RAB3C: variants seen among roughly 807,000 people sequenced by gnomAD.
RAB3C encodes the protein RAB3C, member RAS oncogene family, also known as ras-related protein Rab-3C.
RAB3C carries 17 observed loss-of-function variants against 26.4 expected under a neutral mutation model. The observed-to-expected ratio is 0.64, with a 90% CI of 0.44 to 0.97. The LOEUF is 0.97. RAB3C is among the 50% of genes least tolerant of loss of function. The pLI is 0.00. For synonymous variants in RAB3C, 91 were observed against 95.9 expected (o/e 0.95, Z 0.30); for missense variants, 242 against 281.9 (o/e 0.86, Z 1.01).
intron 2 of RAB3C, among the ~76,000 whole-genome samples, chr5:58,683,780 C>T (rs906229759): frequency 2.0e-5 from 3 of 152,220 alleles, no homozygotes; most frequent in Non-Finnish European, 4.4e-5. Context: ...ACTGCATACA[C>T]TACCCTCCTG....
At chr5:58,842,693 T>C (rs1743900722) in intron 4 of RAB3C, among the ~76,000 whole-genome samples, 1 of 152,200 alleles carries the variant, frequency 6.6e-6, no homozygotes, top group African/African-American at 2.4e-5. Context: ...CTGGAGAGAG[T>C]TCCTTTTCCA....
chr5:58,785,028 T>C (rs887272955), intron 3 of RAB3C, among the ~76,000 whole-genome samples: 9 of 152,212 alleles, frequency 5.9e-5, no homozygotes, highest in African/African-American at 1.4e-4. Flanking sequence ...CAAGGGTGCC[T>C]AACTGTCCCA....
chr5:58,641,991 C>T (rs1747422095), intron 2 of RAB3C, among the ~76,000 whole-genome samples: 1 of 152,172 alleles, frequency 6.6e-6, no homozygotes, highest in Non-Finnish European at 1.5e-5. Flanking sequence ...CTCCCTTGTG[C>T]CTCAGTTCTC....
At chr5:58,763,863 C>A (rs1276550929) in intron 3 of RAB3C, among the ~76,000 whole-genome samples, 2 of 152,104 alleles carry the variant, frequency 1.3e-5, no homozygotes, top group Non-Finnish European at 2.9e-5. Context: ...ATAGGATGCA[C>A]TGGACTATTG....
intron 2 of RAB3C, among the ~76,000 whole-genome samples, chr5:58,644,016 T>C (rs549430829): frequency 2.7e-4 from 41 of 152,144 alleles, no homozygotes; most frequent in Middle Eastern, 6.8e-3. Context: ...AGTCAGAGTT[T>C]CACCAAGTGG....
At position 58,858,521 on chromosome 5, in the gene RAB3C, G is replaced by A. The variant is rs772187877; in HGVS notation, c.*7170G>A. On this transcript the variant is annotated 3_prime_UTR_variant, in exon 5 of 5. Coordinates refer to ENST00000282878, the MANE Select transcript of RAB3C (RefSeq NM_138453.4). ...TAATCTAAATGCTAGGTTATGTCAG[G>A]GTATAGGAACACAGAGAATGGGGGA... 1 of 152,142 alleles carries A rather than the reference G, an allele frequency of 6.6e-6. No homozygotes were observed. The highest frequency in any genetic ancestry group is 1.5e-5 in the Non-Finnish European group (1 of 68,046). 9.4% of individuals were successfully genotyped at this position (152,142 alleles called of 1,614,324 possible).
intron 1 of RAB3C, among the ~76,000 whole-genome samples, chr5:58,597,822 C>T (rs111217311): frequency 0.4 from 10,025 of 25,138 alleles, 2,336 homozygotes; most frequent in Middle Eastern, 0.5. Context: ...TATAAGTATA[C>T]GATAACATGT....
In RAB3C at chr5:58,786,771, T is replaced by TG. The variant is rs566868692; in HGVS notation, c.372-38267_372-38266insG. The stretch of plus-strand genomic sequence containing the variant: ...GAAGTAAAGAACATGATTCAGTTTG[T>TG]CAAAAAAAAAAATCTACTTATGTGT... On this transcript the variant is annotated intron_variant, in intron 3 of 4. Transcript: ENST00000282878. 1.4e-3 allele frequency among the ~76,000 whole-genome samples: 212 copies of TG among 150,550 alleles called. 2 individuals are homozygous for TG. The highest frequency in any genetic ancestry group is 5.1e-3 in the African/African-American group (207 of 40,702).
At chr5:58,587,988 A>C (rs1746047534) in intron 1 of RAB3C, among the ~76,000 whole-genome samples, 1 of 152,204 alleles carries the variant, frequency 6.6e-6, no homozygotes, top group African/African-American at 2.4e-5. Context: ...TATTTCGTTC[A>C]GCATAATGTG....
intron 3 of RAB3C, among the ~76,000 whole-genome samples, chr5:58,780,062 G>A (rs568915191): frequency 1.9e-4 from 29 of 152,204 alleles, no homozygotes; most frequent in African/African-American, 6.7e-4. Flanking sequence ...CATCAGAAAG[G>A]TATTTCCTAC....
At chr5:58,619,546 C>A (rs576524676) in intron 2 of RAB3C, among the ~76,000 whole-genome samples, 1 of 152,148 alleles carries the variant, frequency 6.6e-6, no homozygotes, top group African/African-American at 2.4e-5. Flanking sequence ...TGACAATGTT[C>A]TTTTTACTAA....
chr5:58,716,249 A>G (rs909906771), intron 2 of RAB3C, among the ~76,000 whole-genome samples: 7 of 152,146 alleles, frequency 4.6e-5, no homozygotes, highest in South Asian at 2.1e-4. Flanking sequence ...CACTGGACAC[A>G]GCTACAATTG....
At chr5:58,810,533 G>A (rs917822060) in intron 3 of RAB3C, among the ~76,000 whole-genome samples, 1 of 152,106 alleles carries the variant, frequency 6.6e-6, no homozygotes, top group Non-Finnish European at 1.5e-5. Flanking sequence ...GTGATAGAAG[G>A]ATACTGGTAT....
intron 4 of RAB3C, 30 bp from the exon 5 acceptor site, chr5:58,851,134 C>G: frequency 6.4e-7 from 1 of 1,562,622 alleles, no homozygotes; most frequent in Non-Finnish European, 8.7e-7. Flanking sequence ...TGCAAAATAA[C>G]CAAGATGTGT....
upstream of RAB3C, chr5:58,582,335 A>C (rs774169348): frequency 4.6e-5 from 43 of 939,838 alleles, no homozygotes; most frequent in Non-Finnish European, 5.3e-5. Flanking sequence ...CCCGCTTCCT[A>C]CGTAGAGCCC....
chr5:58,744,844 GT>G (rs1326689783), intron 3 of RAB3C, among the ~76,000 whole-genome samples: 1 of 152,088 alleles, frequency 6.6e-6, no homozygotes, highest in Non-Finnish European at 1.5e-5. Context: ...CAATTGAAGG[GT>G]TTTTCCACGG....
At chr5:58,691,087 C>A (rs2111858504) in intron 2 of RAB3C, among the ~76,000 whole-genome samples, 1 of 151,190 alleles carries the variant, frequency 6.6e-6, no homozygotes, top group South Asian at 2.1e-4. Context: ...ATAGTTCACA[C>A]AATTTCCAGT....
At chr5:58,612,536 A>ATATATATATG (rs1561266420) in intron 1 of RAB3C, among the ~76,000 whole-genome samples, 74 of 96,448 alleles carry the variant, frequency 7.7e-4, no homozygotes, top group African/African-American at 2.8e-3. Flanking sequence ...ATATATATAT[A>ATATATATATG]TATATATATA....
intron 4 of RAB3C, 39 bp from the exon 5 acceptor site, chr5:58,851,125 G>A: frequency 6.5e-7 from 1 of 1,547,384 alleles, no homozygotes; most frequent in Non-Finnish European, 8.7e-7. Context: ...TTTCAGAAAT[G>A]CAAAATAACC....
Sources: gnomAD v4.1 joint callset for allele counts (sites outside exome capture counted in the v4.1 genomes callset) on GRCh38, gnomAD v4.1.1 for gene constraint, MANE v1.5 for transcripts, NCBI Gene and HGNC (gene_info 2026-07-23, HGNC 2026-07-21) for gene names.